TMEM242: variants seen among roughly 807,000 people sequenced by gnomAD.
The protein encoded by TMEM242 is transmembrane protein 242, also known as UPF0463 transmembrane protein C6orf35.
In TMEM242, 10 loss-of-function variants were observed where a neutral mutation model predicts 18.2. That is an observed-to-expected ratio of 0.55 (90% CI 0.34 to 0.93). The LOEUF (loss-of-function observed/expected upper bound fraction) is 0.93, where lower values mean the gene tolerates loss of function less well. TMEM242 is among the 40% of genes least tolerant of loss of function. The pLI, the probability that TMEM242 is intolerant of heterozygous loss-of-function variation, is 0.02. For synonymous variants in TMEM242, 57 were observed against 69.9 expected (o/e 0.81, Z 0.92); for missense variants, 186 against 175.5 (o/e 1.06, Z -0.34).
At chr6:157,307,142 C>T (rs1562380725) in intron 3 of TMEM242, among the ~76,000 whole-genome samples, 1 of 152,268 alleles carries the variant, frequency 6.6e-6, no homozygotes, top group East Asian at 1.9e-4. Context: ...CAAATGATAT[C>T]AGGTCTCCAG....
At chr6:157,316,730 G>A (rs1339428980) in intron 3 of TMEM242, among the ~76,000 whole-genome samples, 1 of 152,026 alleles carries the variant, frequency 6.6e-6, no homozygotes, top group Non-Finnish European at 1.5e-5. Context: ...AAAAAAATGA[G>A]CCAGGCATAG....
chr6:157,312,317 CATT>C (rs1297463012), intron 3 of TMEM242, among the ~76,000 whole-genome samples: 25 of 150,508 alleles, frequency 1.7e-4, no homozygotes, highest in African/African-American at 5.7e-4. Context: ...GATCTGACCT[CATT>C]ATAGTGCCCC....
At chr6:157,316,854 A>G (rs1778400728) in intron 3 of TMEM242, among the ~76,000 whole-genome samples, 1 of 152,198 alleles carries the variant, frequency 6.6e-6, no homozygotes, top group South Asian at 2.1e-4. Context: ...TGGGTGACAG[A>G]GGAAGACCTT....
chr6:157,310,572 C>T (rs1554248330), intron 3 of TMEM242, among the ~76,000 whole-genome samples: 5 of 147,314 alleles, frequency 3.4e-5, no homozygotes, highest in Non-Finnish European at 7.4e-5. Context: ...CATAGTGCCC[C>T]AGTGTGCGCT....
intron 3 of TMEM242, among the ~76,000 whole-genome samples, chr6:157,304,758 G>A (rs979046190): frequency 6.6e-6 from 1 of 152,204 alleles, no homozygotes; most frequent in Non-Finnish European, 1.5e-5. Context: ...GAGAGTAACT[G>A]GGTGGTGGGA....
intron 3 of TMEM242, among the ~76,000 whole-genome samples, chr6:157,304,771 G>T (rs1777887425): frequency 6.6e-6 from 1 of 152,220 alleles, no homozygotes; most frequent in African/African-American, 2.4e-5. Flanking sequence ...TGGTGGGAAT[G>T]AAGACATCTG....
chr6:157,319,878 G>T (rs1474651732), intron 2 of TMEM242, among the ~76,000 whole-genome samples: 1 of 152,196 alleles, frequency 6.6e-6, no homozygotes, highest in Middle Eastern at 3.2e-3. Context: ...TAATTCATCT[G>T]TGCCTCAGTT....
At position 157,292,781 on chromosome 6, in the gene TMEM242, G is replaced by T; in HGVS notation, c.*120C>A. The stretch of plus-strand genomic sequence containing the variant: ...AGGCTGAATGCTATCCAGTGCACTG[G>T]TTCAGTCAGCAATCTGCCCATGTTC... On this transcript the variant is annotated 3_prime_UTR_variant, in exon 4 of 4. Coordinates refer to ENST00000400788, the MANE Select transcript of TMEM242 (RefSeq NM_018452.6). 1 of 769,566 alleles carries T rather than the reference G, an allele frequency of 1.3e-6. No homozygotes were observed. Among genetic ancestry groups the T allele is most frequent in the Non-Finnish European group, 2.2e-6 (1 of 451,472 alleles). 47.7% of individuals were successfully genotyped at this position (769,566 alleles called of 1,614,324 possible). A position where few individuals can be genotyped will look rare whatever the true frequency, so the allele number is the denominator to read the frequency against.
intron 3 of TMEM242, among the ~76,000 whole-genome samples, chr6:157,316,124 T>TGG (rs1778385663): frequency 6.6e-6 from 1 of 152,226 alleles, no homozygotes; most frequent in Non-Finnish European, 1.5e-5. Flanking sequence ...TGACCCACAT[T>TGG]ACTAAACACT....
intron 3 of TMEM242, among the ~76,000 whole-genome samples, chr6:157,313,377 T>G (rs62425605): frequency 2.0e-4 from 5 of 24,522 alleles, no homozygotes; most frequent in Non-Finnish European, 2.9e-4. Flanking sequence ...TCATAGTGCC[T>G]CAGTGTACGC....
chr6:157,300,244 C>T (rs1777810182), intron 3 of TMEM242: 1 of 374,730 alleles, frequency 2.7e-6, no homozygotes, highest in Non-Finnish European at 5.0e-6. Context: ...GCGCAAGACA[C>T]GCCCCCTGGC....
rs886146533 is a variant in TMEM242 at position 157,305,953 on chromosome 6, G to A, written c.327+12829C>T. 6.6e-6 allele frequency among the ~76,000 whole-genome samples: 1 copy of A among 152,166 alleles called. No individual in the cohort carries two copies. The highest frequency in any genetic ancestry group is 2.4e-5 in the African/African-American group (1 of 41,424). ...CTTTCGGGAAGCTTTTTGTGTAAAG[G>A]GGAGCAGATAAATGGGCTGGTAGCT... is the stretch of plus-strand genomic sequence containing the variant. On this transcript the variant is annotated intron_variant, in intron 3 of 3. Transcript: ENST00000400788. This position sits in a 1 kb window ranked among gnomAD's most constrained non-coding sequence, Gnocchi z 4.1.
At chr6:157,315,834 T>C (rs587689018) in intron 3 of TMEM242, among the ~76,000 whole-genome samples, 3 of 152,324 alleles carry the variant, frequency 2.0e-5, no homozygotes, top group African/African-American at 4.8e-5. Context: ...CCAATACCTC[T>C]CCTTCTTTGG....
intron 3 of TMEM242, among the ~76,000 whole-genome samples, chr6:157,301,293 T>A (rs1324683461): frequency 6.6e-6 from 1 of 152,060 alleles, no homozygotes; most frequent in Non-Finnish European, 1.5e-5. Flanking sequence ...ACAAAATGAA[T>A]ACTTTATATT....
At position 157,289,188 on chromosome 6, in the gene TMEM242, G is replaced by A. The variant is rs1056793933; in HGVS notation, c.*3713C>T. On this transcript the variant is annotated 3_prime_UTR_variant, in exon 4 of 4. Coordinates refer to ENST00000400788, the MANE Select transcript of TMEM242 (RefSeq NM_018452.6). ...AATACTTGGGTGGGAAAGTTGAAAC[G>A]ATATGTGCTTCTTGGTAGCTGTGAT... Among the ~76,000 whole-genome samples, 19 of 152,028 alleles carry A rather than the reference G, an allele frequency of 1.2e-4. No homozygotes were observed. The highest frequency in any genetic ancestry group is 4.1e-4 in the African/African-American group (17 of 41,402).
rs1395871688 is a variant in TMEM242, at chr6:157,300,230, G to C, written c.328-7231C>G. 8 of 406,246 alleles carry C rather than the reference G, an allele frequency of 2.0e-5. No individual in the cohort carries two copies. The East Asian group carries it at 3.1e-4, about 16-fold the overall frequency. The allele number at this position is 406,246 out of a possible 1,614,324, so 25.2% of individuals were successfully genotyped here. A position where few individuals can be genotyped will look rare whatever the true frequency, so the allele number is the denominator to read the frequency against. Reference sequence around the variant, plus strand: ...AGCAGCACCTTCAGCCCTCTGTGGCGAGTGCGCAAGACACGCCCCCTGGCC... The same window carrying C: ...AGCAGCACCTTCAGCCCTCTGTGGCCAGTGCGCAAGACACGCCCCCTGGCC... On this transcript the variant is annotated intron_variant, in intron 3 of 3. Coordinates refer to ENST00000400788, the MANE Select transcript of TMEM242 (RefSeq NM_018452.6).
chr6:157,311,469 T>G (rs797040886), intron 3 of TMEM242, among the ~76,000 whole-genome samples: 2,537 of 80,954 alleles, frequency 0.031, 13 homozygotes, highest in Admixed American at 0.037. Flanking sequence ...CCTGGCCTCA[T>G]CATAGTGCCC....
At chr6:157,298,321 C>T (rs1777778378) in intron 3 of TMEM242, among the ~76,000 whole-genome samples, 1 of 152,192 alleles carries the variant, frequency 6.6e-6, no homozygotes, top group African/African-American at 2.4e-5. Flanking sequence ...AGGGAAGTTT[C>T]CTTTCCCGGC....
At chr6:157,308,279 C>T (rs1777942874) in intron 3 of TMEM242, among the ~76,000 whole-genome samples, 1 of 152,174 alleles carries the variant, frequency 6.6e-6, no homozygotes, top group Admixed American at 6.5e-5. Context: ...ACCAAACTAC[C>T]AGTGAAACTT....
Sources: allele counts gnomAD v4.1 joint callset (sites outside exome capture counted in the v4.1 genomes callset), GRCh38; gene constraint gnomAD v4.1.1; non-coding constraint Gnocchi (gnomAD v3.1); transcripts MANE v1.5; gene names NCBI Gene and HGNC (gene_info 2026-07-23, HGNC 2026-07-21).